The following NCKAP5 variants were observed in gnomAD, a reference collection of about 807,000 sequenced individuals.
NCKAP5 encodes the protein NCK associated protein 5.
A neutral mutation model predicts 167.0 loss-of-function variants in NCKAP5; 92 were observed. The observed-to-expected ratio is 0.55, with a 90% CI of 0.47 to 0.66. NCKAP5 has a LOEUF of 0.66. NCKAP5 is among the 30% of genes least tolerant of loss of function. NCKAP5 has a pLI of 0.00. For missense variants in NCKAP5, 2,378 were observed against 2,315.0 expected (o/e 1.03, Z -0.56); for synonymous variants, 891 against 877.4 (o/e 1.02, Z -0.27).
intron 3 of NCKAP5, among the ~76,000 whole-genome samples, chr2:133,331,227 T>C (rs2150725204): frequency 6.6e-6 from 1 of 152,326 alleles, no homozygotes; most frequent in East Asian, 1.9e-4. Context: ...ATACTCCTTT[T>C]TTGTTGGCAG....
At chr2:132,924,008 T>C (rs2149019384) in intron 8 of NCKAP5, among the ~76,000 whole-genome samples, 1 of 152,238 alleles carries the variant, frequency 6.6e-6, no homozygotes, top group East Asian at 1.9e-4. Flanking sequence ...ATAAACCAAA[T>C]GGCTGGCCCC....
At chr2:133,152,037 G>A (rs577018913) in intron 5 of NCKAP5, among the ~76,000 whole-genome samples, 1 of 152,138 alleles carries the variant, frequency 6.6e-6, no homozygotes, top group African/African-American at 2.4e-5. Context: ...TTCTTCATTA[G>A]ATATGAAGGA....
chr2:133,037,319 A>G (rs1041301780), intron 6 of NCKAP5, among the ~76,000 whole-genome samples: 3 of 152,180 alleles, frequency 2.0e-5, no homozygotes, highest in Admixed American at 6.5e-5. Context: ...GTGGAACCAC[A>G]AAAGATCCAG....
intron 11 of NCKAP5, among the ~76,000 whole-genome samples, chr2:132,858,843 A>G (rs1398283073): frequency 6.6e-6 from 1 of 152,162 alleles, no homozygotes; most frequent in African/African-American, 2.4e-5. Flanking sequence ...ATGCTTATAT[A>G]CCCATAGCAC....
chr2:133,113,822 G>A (rs1230950060), intron 6 of NCKAP5, among the ~76,000 whole-genome samples: 3 of 152,158 alleles, frequency 2.0e-5, no homozygotes, highest in African/African-American at 4.8e-5. Flanking sequence ...TAGTGGTAAT[G>A]GGAACATGGA....
intron 5 of NCKAP5, among the ~76,000 whole-genome samples, chr2:133,155,580 GT>G (rs2083546344): frequency 6.6e-6 from 1 of 152,208 alleles, no homozygotes; most frequent in Admixed American, 6.5e-5. Context: ...TAGGCCACCA[GT>G]ACCCAGATAT....
chr2:132,751,558 A>G (rs1680116236), intron 16 of NCKAP5, among the ~76,000 whole-genome samples: 1 of 152,108 alleles, frequency 6.6e-6, no homozygotes, highest in African/African-American at 2.4e-5. Flanking sequence ...TAAACTCACT[A>G]ATGGGTATGG....
chr2:133,196,470 C>T (rs1179457377), intron 5 of NCKAP5, among the ~76,000 whole-genome samples: 1 of 152,192 alleles, frequency 6.6e-6, no homozygotes, highest in African/African-American at 2.4e-5. Flanking sequence ...TATACTGCTA[C>T]AGCCTCTAAT....
intron 6 of NCKAP5, among the ~76,000 whole-genome samples, chr2:133,114,360 A>G (rs368124480): frequency 4.6e-4 from 70 of 152,226 alleles, no homozygotes; most frequent in African/African-American, 1.7e-3. Flanking sequence ...CTCAAAGCCA[A>G]TTGAGTTTCA....
At chr2:133,413,219 TGGAAAAGGATCCAGGAA>T (rs1688886184) in intron 3 of NCKAP5, among the ~76,000 whole-genome samples, 1 of 152,214 alleles carries the variant, frequency 6.6e-6, no homozygotes, top group Non-Finnish European at 1.5e-5. Context: ...ACTGGAAGAC[TGGAAAAGGATCCAGGAA>T]GGAAGTATTA....
chr2:133,287,200 C>T (rs936521117), intron 4 of NCKAP5, among the ~76,000 whole-genome samples: 1 of 152,180 alleles, frequency 6.6e-6, no homozygotes, highest in Non-Finnish European at 1.5e-5. Flanking sequence ...CAAACATCTC[C>T]AATTCCTCAC....
At chr2:133,188,059 T>C (rs183623406) in intron 5 of NCKAP5, among the ~76,000 whole-genome samples, 65 of 152,234 alleles carry the variant, frequency 4.3e-4, no homozygotes, top group Non-Finnish European at 8.8e-5. Context: ...ATGCAGTTTC[T>C]TCCTGGCATC....
intron 19 of NCKAP5, among the ~76,000 whole-genome samples, chr2:132,689,045 T>C (rs555668314): frequency 1.3e-5 from 2 of 149,676 alleles, no homozygotes; most frequent in South Asian, 4.3e-4. Context: ...CTTCTCCTAC[T>C]TTGGTTGAAC....
the NCKAP5 span, among the ~76,000 whole-genome samples, chr2:133,613,058 A>T: frequency 2.6e-5 from 4 of 152,224 alleles, no homozygotes; most frequent in Non-Finnish European, 5.9e-5. Context: ...AGTAAAGCTG[A>T]GATACCCAGA....
intron 3 of NCKAP5, among the ~76,000 whole-genome samples, chr2:133,352,614 T>G (rs777623229): frequency 4.3e-4 from 65 of 152,170 alleles, no homozygotes; most frequent in African/African-American, 1.5e-3. Flanking sequence ...ACATTAGACT[T>G]GCTGAGTGGC....
At chr2:133,551,241 T>A (rs1462156145) in intron 2 of NCKAP5, among the ~76,000 whole-genome samples, 1 of 151,418 alleles carries the variant, frequency 6.6e-6, no homozygotes, top group Non-Finnish European at 1.5e-5. Context: ...TGGAAAAAAC[T>A]ACTTTAAAGT....
chr2:133,103,831 G>C (rs79911814), intron 6 of NCKAP5, among the ~76,000 whole-genome samples: 5,524 of 152,238 alleles, frequency 0.036, 337 homozygotes, highest in African/African-American at 0.12. Context: ...GGTGATGCTG[G>C]TTTTGGCTCT....
chr2:133,336,814 T>C (rs1447966452), intron 3 of NCKAP5, among the ~76,000 whole-genome samples: 2 of 152,174 alleles, frequency 1.3e-5, no homozygotes, highest in Non-Finnish European at 1.5e-5. Context: ...CACGGGTGGC[T>C]GATAAAGTTG....
At chr2:133,109,326 T>C (rs2081830824) in intron 6 of NCKAP5, among the ~76,000 whole-genome samples, 1 of 152,192 alleles carries the variant, frequency 6.6e-6, no homozygotes, top group Non-Finnish European at 1.5e-5. Flanking sequence ...AAATAACATG[T>C]ACTACTGAAA....
Sources: gnomAD v4.1 joint callset for allele counts (sites outside exome capture counted in the v4.1 genomes callset) on GRCh38, gnomAD v4.1.1 for gene constraint, MANE v1.5 for transcripts, NCBI Gene and HGNC (gene_info 2026-07-23, HGNC 2026-07-21) for gene names.